Variants in AUTS2 observed in about 807,000 individuals in gnomAD.
AUTS2 encodes the protein activator of transcription and developmental regulator AUTS2, also known as autism susceptibility gene 2 protein.
AUTS2 carries 17 observed loss-of-function variants against 112.4 expected under a neutral mutation model. The observed-to-expected ratio is 0.15, with a 90% CI of 0.10 to 0.23. The LOEUF is 0.23. Ranked by LOEUF, AUTS2 falls within the 10% of genes least tolerant of loss-of-function variation. The pLI is 1.00. For synonymous variants in AUTS2, 751 were observed against 702.7 expected, an observed-to-expected ratio of 1.07 and a Z score of -1.09; for missense variants, 1,510 against 1,701.6, an observed-to-expected ratio of 0.89 and a Z score of 1.98.
chr7:70,332,504 A>T (rs1402972836), intron 4 of AUTS2, among the ~76,000 whole-genome samples: 1 of 152,228 alleles, frequency 6.6e-6, no homozygotes, highest in East Asian at 1.9e-4. Flanking sequence ...TGTATAGCCA[A>T]GACAATCATA....
chr7:70,545,467 A>G (rs1800734022), intron 5 of AUTS2, among the ~76,000 whole-genome samples: 1 of 152,214 alleles, frequency 6.6e-6, no homozygotes, highest in African/African-American at 2.4e-5. Context: ...AAGGGCACAA[A>G]GAGACCACTT....
intron 4 of AUTS2, among the ~76,000 whole-genome samples, chr7:70,399,043 G>A (rs1167899460): frequency 6.7e-6 from 1 of 149,100 alleles, no homozygotes; most frequent in African/African-American, 2.5e-5. Context: ...CTGGAATGCA[G>A]TGGTGCGATC....
At chr7:69,907,102 G>A (rs927903047) in intron 2 of AUTS2, among the ~76,000 whole-genome samples, 2 of 152,154 alleles carry the variant, frequency 1.3e-5, no homozygotes, top group Non-Finnish European at 2.9e-5. Context: ...GCGAGGTCCT[G>A]TCTCCAAAAA....
chr7:70,562,885 A>C (rs1241627943), intron 5 of AUTS2, among the ~76,000 whole-genome samples: 1 of 152,212 alleles, frequency 6.6e-6, no homozygotes, highest in Non-Finnish European at 1.5e-5. Flanking sequence ...AGCGGTGTCC[A>C]ATGAACTGTT....
intron 2 of AUTS2, among the ~76,000 whole-genome samples, chr7:69,939,358 C>T (rs1228043346): frequency 6.6e-6 from 1 of 152,102 alleles, no homozygotes; most frequent in Non-Finnish European, 1.5e-5. Flanking sequence ...TTCTTATTTC[C>T]AAAATGTAAC....
intron 4 of AUTS2, among the ~76,000 whole-genome samples, chr7:70,218,062 G>A (rs181218255): frequency 2.0e-4 from 30 of 152,320 alleles, no homozygotes; most frequent in African/African-American, 6.0e-4. Context: ...AAGATGGTCT[G>A]CAGGCCTGCC....
chr7:70,610,948 GTTGA>G (rs1265078531), intron 5 of AUTS2, among the ~76,000 whole-genome samples: 4 of 152,116 alleles, frequency 2.6e-5, no homozygotes, highest in Admixed American at 2.6e-4. Flanking sequence ...TCTTCACTCT[GTTGA>G]TTGTTTCCTT....
At chr7:70,592,104 A>G (rs1458402139) in intron 5 of AUTS2, among the ~76,000 whole-genome samples, 1 of 152,246 alleles carries the variant, frequency 6.6e-6, no homozygotes, top group Non-Finnish European at 1.5e-5. Context: ...AAAAATGTAG[A>G]AAATGTAATA....
At chr7:70,524,599 A>G (rs1799767997) in intron 5 of AUTS2, among the ~76,000 whole-genome samples, 1 of 152,214 alleles carries the variant, frequency 6.6e-6, no homozygotes, top group African/African-American at 2.4e-5. Context: ...AAAAGGCATC[A>G]GGGAAGTACC....
rs560812352 is a variant in AUTS2, at chr7:70,714,327, C to CT, written c.742+15715dup. Among the ~76,000 whole-genome samples, 11 of 152,116 alleles carry CT rather than the reference C, an allele frequency of 7.2e-5. No individual in the cohort carries two copies. The East Asian group carries it at 7.7e-4, about 11-fold the overall frequency. On this transcript the variant is annotated intron_variant, in intron 6 of 18. Transcript: ENST00000342771. ...ATAGGCTGGATAGGGCGATGTCCAC[C>CT]TTTTTTTTCTTTATTGCTGAAATAT... is the stretch of plus-strand genomic sequence containing the variant.
At chr7:70,359,645 T>C (rs1250306624) in intron 4 of AUTS2, among the ~76,000 whole-genome samples, 1 of 152,096 alleles carries the variant, frequency 6.6e-6, no homozygotes, top group Non-Finnish European at 1.5e-5. Flanking sequence ...CTTACTCACT[T>C]CCAAGGAGAG....
intron 1 of AUTS2, among the ~76,000 whole-genome samples, chr7:69,857,584 G>C (rs983182205): frequency 6.6e-6 from 1 of 152,122 alleles, no homozygotes; most frequent in Non-Finnish European, 1.5e-5. Flanking sequence ...TTTATTTATC[G>C]TCTTAGAGAT....
chr7:70,230,867 CT>C (rs1191227280), intron 4 of AUTS2, among the ~76,000 whole-genome samples: 1 of 152,176 alleles, frequency 6.6e-6, no homozygotes, highest in Non-Finnish European at 1.5e-5. Context: ...TGACAATACC[CT>C]TTGTCATAGA....
intron 2 of AUTS2, among the ~76,000 whole-genome samples, chr7:70,052,561 G>T (rs1284409754): frequency 6.6e-6 from 1 of 152,186 alleles, no homozygotes; most frequent in Non-Finnish European, 1.5e-5. Flanking sequence ...GGATTTGTTT[G>T]CTCAGCAGAG....
At chr7:69,807,461 A>T (rs1049057327) in intron 1 of AUTS2, among the ~76,000 whole-genome samples, 1 of 151,910 alleles carries the variant, frequency 6.6e-6, no homozygotes, top group African/African-American at 2.4e-5. Context: ...TTCTCTTTTG[A>T]GATTCCAGGA....
chr7:70,087,529 C>T (rs1347030734), intron 2 of AUTS2, among the ~76,000 whole-genome samples: 1 of 151,928 alleles, frequency 6.6e-6, no homozygotes, highest in East Asian at 1.9e-4. Flanking sequence ...ACCACCACGC[C>T]TGGCTAATTT....
intron 4 of AUTS2, among the ~76,000 whole-genome samples, chr7:70,247,490 C>T (rs114237793): frequency 4.6e-5 from 7 of 152,250 alleles, no homozygotes; most frequent in African/African-American, 1.7e-4. Context: ...TATTAAGCTA[C>T]ACACTTAATG....
At chr7:69,755,587 TGTCAC>T (rs1787913739) in intron 1 of AUTS2, among the ~76,000 whole-genome samples, 1 of 152,208 alleles carries the variant, frequency 6.6e-6, no homozygotes, top group Non-Finnish European at 1.5e-5. Flanking sequence ...ATACTTGAGG[TGTCAC>T]AAAGAGCAAC....
intron 1 of AUTS2, among the ~76,000 whole-genome samples, chr7:69,700,545 C>T (rs568567855): frequency 1.3e-5 from 2 of 152,092 alleles, no homozygotes; most frequent in South Asian, 2.1e-4. Context: ...TCCTGGCTGC[C>T]TCTGGGGATT....
Sources: gnomAD v4.1 joint callset for allele counts (sites outside exome capture counted in the v4.1 genomes callset) on GRCh38, gnomAD v4.1.1 for gene constraint, MANE v1.5 for transcripts, NCBI Gene and HGNC (gene_info 2026-07-23, HGNC 2026-07-21) for gene names.